The following STX8 variants were observed in gnomAD, a reference collection of about 807,000 sequenced individuals.
The protein encoded by STX8 is syntaxin 8.
Under a neutral mutation model 37.5 loss-of-function variants are expected in STX8, and 23 were observed. That is an observed-to-expected ratio of 0.61 (90% CI 0.44 to 0.87). The LOEUF (loss-of-function observed/expected upper bound fraction) is 0.87, where lower values mean the gene tolerates loss of function less well. Among genes scored for constraint, STX8 ranks in the 40% least tolerant of loss-of-function variants. The probability of loss-of-function intolerance (pLI) is 0.00; values close to 1 mark genes in which losing one functional copy is unlikely to be tolerated. For missense variants in STX8, 313 were observed against 284.7 expected, an observed-to-expected ratio of 1.10 and a Z score of -0.71; for synonymous variants, 115 against 99.1, an observed-to-expected ratio of 1.16 and a Z score of -0.95.
chr17:9,362,951 G>A (rs1322156617), intron 7 of STX8, among the ~76,000 whole-genome samples: 1 of 151,956 alleles, frequency 6.6e-6, no homozygotes, highest in Non-Finnish European at 1.5e-5. Flanking sequence ...GAAGGTAAAA[G>A]TCTCTATTCA....
At chr17:9,277,162 G>A (rs17808601) in intron 7 of STX8, among the ~76,000 whole-genome samples, 12,999 of 152,182 alleles carry the variant, frequency 0.085, 742 homozygotes, top group Non-Finnish European at 0.13. Context: ...AGTTTACAGC[G>A]TCAGTAGGTT....
chr17:9,472,451 C>A lies in STX8; in HGVS notation c.541+19378G>T, dbSNP rs563886489. Among the ~76,000 whole-genome samples, 4 of 152,316 alleles carry A rather than the reference C, an allele frequency of 2.6e-5. No individual in the cohort carries two copies. The South Asian group carries it at 8.3e-4, about 32-fold the overall frequency. On this transcript the variant is annotated intron_variant, in intron 6 of 7. Transcript: ENST00000306357. ...TGGAGGTTGTCTTGGGGACCCCCAC[C>A]GTAGCCTCCAAGGAGAGACCAAGAT...
intron 7 of STX8, among the ~76,000 whole-genome samples, chr17:9,258,096 T>C (rs1053593150): frequency 3.3e-5 from 5 of 152,252 alleles, no homozygotes; most frequent in Non-Finnish European, 5.9e-5. Flanking sequence ...AACTTAAAGA[T>C]GAACAGAGGA....
At chr17:9,370,673 G>C (rs1911375016) in intron 7 of STX8, among the ~76,000 whole-genome samples, 2 of 152,288 alleles carry the variant, frequency 1.3e-5, no homozygotes, top group Non-Finnish European at 2.9e-5. Flanking sequence ...TCAATATGCT[G>C]AGAAGCAAGA....
chr17:9,477,832 G>T (rs976297467), intron 6 of STX8, among the ~76,000 whole-genome samples: 1 of 152,154 alleles, frequency 6.6e-6, no homozygotes, highest in African/African-American at 2.4e-5. Flanking sequence ...GCCCAAGGTG[G>T]GTGGCCTGAG....
chr17:9,409,788 G>A (rs889207559), intron 6 of STX8, among the ~76,000 whole-genome samples: 53 of 150,350 alleles, frequency 3.5e-4, no homozygotes, highest in Non-Finnish European at 1.5e-4. Context: ...TGGAAGCACT[G>A]GGGGGAAAAA....
intron 7 of STX8, among the ~76,000 whole-genome samples, chr17:9,272,330 G>A (rs1907495182): frequency 6.6e-6 from 1 of 152,238 alleles, no homozygotes; most frequent in African/African-American, 2.4e-5. Flanking sequence ...GAAATGCCCT[G>A]AGAAGGAACA....
chr17:9,522,859 A>T (rs1355860132), intron 4 of STX8, among the ~76,000 whole-genome samples: 1 of 152,172 alleles, frequency 6.6e-6, no homozygotes, highest in Non-Finnish European at 1.5e-5. Flanking sequence ...GTTCTGTGGC[A>T]TACTAAGGTG....
At chr17:9,276,031 C>G (rs1907664267) in intron 7 of STX8, among the ~76,000 whole-genome samples, 1 of 152,082 alleles carries the variant, frequency 6.6e-6, no homozygotes. Flanking sequence ...ACAGCCCCTT[C>G]AAATGGGATC....
chr17:9,518,651 G>A (rs929617807), intron 4 of STX8, among the ~76,000 whole-genome samples: 10 of 152,006 alleles, frequency 6.6e-5, no homozygotes, highest in African/African-American at 1.9e-4. Context: ...GGTAGATCAC[G>A]AGGTTAGGAG....
chr17:9,484,865 T>C (rs1906516056), intron 6 of STX8, among the ~76,000 whole-genome samples: 1 of 152,070 alleles, frequency 6.6e-6, no homozygotes, highest in Non-Finnish European at 1.5e-5. Context: ...CCCAGCATTC[T>C]GGTGCAACTG....
chr17:9,527,178 TCC>T (rs1905610521), intron 4 of STX8, among the ~76,000 whole-genome samples: 1 of 1,192 alleles, frequency 8.4e-4, no homozygotes, highest in Non-Finnish European at 3.1e-3. Context: ...AGAGCGAGAC[TCC>T]GTCTCAAAAA....
intron 6 of STX8, among the ~76,000 whole-genome samples, chr17:9,399,520 T>G (rs959122608): frequency 1.3e-5 from 2 of 152,128 alleles, no homozygotes; most frequent in African/African-American, 4.8e-5. Flanking sequence ...GGGCGTCAGC[T>G]CAAACATCCC....
intron 6 of STX8, among the ~76,000 whole-genome samples, chr17:9,398,977 A>T (rs1912505678): frequency 6.6e-6 from 1 of 150,880 alleles, no homozygotes; most frequent in Non-Finnish European, 1.5e-5. Context: ...TGAACCTGGG[A>T]AGTGGAGGTT....
chr17:9,424,948 GA>G (rs1913572297), intron 6 of STX8, among the ~76,000 whole-genome samples: 1 of 152,144 alleles, frequency 6.6e-6, no homozygotes, highest in South Asian at 2.1e-4. Flanking sequence ...TGTAACACAA[GA>G]GAGGTTAAAA....
At chr17:9,315,235 C>T (rs971337224) in intron 7 of STX8, among the ~76,000 whole-genome samples, 1 of 151,916 alleles carries the variant, frequency 6.6e-6, no homozygotes. Context: ...CATTATACCC[C>T]CTCCCTCACT....
rs145979516 is a variant in STX8, at chr17:9,345,451, C to T, written c.643+33101G>A. On this transcript the variant is annotated intron_variant, in intron 7 of 7. Transcript: ENST00000306357. ...AGGTGTGAGCCACCATGCCTGGCCA[C>T]ATATCTCATTTTCTTTACCTGGTTG... Among the ~76,000 whole-genome samples, 447 of 152,200 alleles carry T rather than the reference C, an allele frequency of 2.9e-3. 3 individuals are homozygous for T. Among genetic ancestry groups the T allele is most frequent in the African/African-American group, 0.01 (430 of 41,554 alleles).
chr17:9,509,189 C>A (rs554466930), intron 4 of STX8, among the ~76,000 whole-genome samples: 2 of 152,266 alleles, frequency 1.3e-5, no homozygotes, highest in Non-Finnish European at 2.9e-5. Flanking sequence ...GCGGAGGTTG[C>A]AGTGAGCTGA....
intron 6 of STX8, among the ~76,000 whole-genome samples, chr17:9,447,907 G>A (rs558248728): frequency 3.8e-4 from 57 of 151,922 alleles, no homozygotes; most frequent in African/African-American, 1.3e-3. Flanking sequence ...GGCCAGGTGC[G>A]GTGGCTTAAG....
Sources: allele counts gnomAD v4.1 joint callset (sites outside exome capture counted in the v4.1 genomes callset), GRCh38; gene constraint gnomAD v4.1.1; transcripts MANE v1.5; gene names NCBI Gene and HGNC (gene_info 2026-07-23, HGNC 2026-07-21).